Variants in ADCY3 observed in about 807,000 individuals in gnomAD.
ADCY3 encodes the protein adenylate cyclase 3.
Under a neutral mutation model 119.4 loss-of-function variants are expected in ADCY3, and 70 were observed. That is an observed-to-expected ratio of 0.59 (90% confidence interval 0.48 to 0.72). The LOEUF (loss-of-function observed/expected upper bound fraction) is 0.72, where lower values mean the gene tolerates loss of function less well. Ranked by LOEUF, ADCY3 falls within the 30% of genes least tolerant of loss-of-function variation. ADCY3 has a pLI of 0.00. For synonymous variants in ADCY3, 672 were observed against 621.4 expected (o/e 1.08, Z -1.21); for missense variants, 1,238 against 1,541.6 (o/e 0.80, Z 3.30).
intron 7 of ADCY3, among the ~76,000 whole-genome samples, chr2:24,839,117 T>G (rs1018053515): frequency 2.0e-5 from 3 of 152,026 alleles, no homozygotes; most frequent in Admixed American, 6.6e-5. Flanking sequence ...TAATTCTGTA[T>G]TTTTAGTAGA....
chr2:24,918,929 T>C lies in ADCY3; in HGVS notation c.59A>G (p.Tyr20Cys). The change falls in exon 2 of 22, where the codon TAC (tyrosine) becomes TGC (cysteine). Residue 20 changes from tyrosine (Y) to cysteine (C), a missense_variant. By Grantham distance (194) the Tyr-to-Cys change is radical. This residue lies in a region of ADCY3 where 227 missense variants were observed against 249.3 expected (regional missense o/e 0.91). Transcript: ENST00000679454. The surrounding 1 kb of genome is among the most constrained non-coding windows in gnomAD (Gnocchi z 5.4). ...AGGGTCGGAGGGCAGGCTGACGGAG[T>C]ACTCGGCTGAGTACTCGGCCGAGTA... is the stretch of plus-strand genomic sequence containing the variant. ...PEYSAEYSAEYSVSLPSDPDR... is the reference protein window; with the variant it reads ...PEYSAEYSAECSVSLPSDPDR... 6.2e-7 allele frequency: 1 copy of C among 1,611,634 alleles called. No homozygotes were observed. Among genetic ancestry groups the C allele is most frequent in the South Asian group, 1.1e-5 (1 of 90,996 alleles).
intron 8 of ADCY3, among the ~76,000 whole-genome samples, chr2:24,838,033 T>C (rs957653290): frequency 6.6e-6 from 1 of 150,726 alleles, no homozygotes; most frequent in Non-Finnish European, 1.5e-5. Flanking sequence ...CTGGCCTTGG[T>C]CCTCCTCCCC....
chr2:24,827,280 A>C (rs1668755235), intron 15 of ADCY3, among the ~76,000 whole-genome samples: 1 of 152,074 alleles, frequency 6.6e-6, no homozygotes, highest in African/African-American at 2.4e-5. Flanking sequence ...TCCAAATCCA[A>C]AGCGTCTTCC....
intron 9 of ADCY3, among the ~76,000 whole-genome samples, chr2:24,835,782 A>C (rs535460265): frequency 5.4e-4 from 82 of 152,112 alleles, no homozygotes; most frequent in Non-Finnish European, 1.0e-3. Context: ...CTAAAAATAC[A>C]AAAATTAGCC....
At chr2:24,879,990 C>T (rs996302919) in intron 2 of ADCY3, among the ~76,000 whole-genome samples, 5 of 152,228 alleles carry the variant, frequency 3.3e-5, no homozygotes, top group Non-Finnish European at 5.9e-5. Flanking sequence ...CCAAGAGAGA[C>T]TCTGAGATCT....
At chr2:24,905,909 C>T (rs2149022084) in intron 2 of ADCY3, among the ~76,000 whole-genome samples, 1 of 152,278 alleles carries the variant, frequency 6.6e-6, no homozygotes, top group East Asian at 1.9e-4. Context: ...GACTGTGACG[C>T]CAGTGCTTTG....
intron 3 of ADCY3, among the ~76,000 whole-genome samples, chr2:24,858,015 T>TTTTTA: frequency 8.0e-6 from 1 of 124,790 alleles, no homozygotes; most frequent in Non-Finnish European, 1.7e-5. Flanking sequence ...TTTTTTTTTT[T>TTTTTA]AAAGAGACAG....
At chr2:24,892,253 C>CTTT (rs34728703) in intron 2 of ADCY3, among the ~76,000 whole-genome samples, 3 of 144,256 alleles carry the variant, frequency 2.1e-5, no homozygotes, top group African/African-American at 7.7e-5. Flanking sequence ...TGTATTGAGT[C>CTTT]TTTTTTTTTT....
At position 24,841,661 on chromosome 2, in the gene ADCY3, G is replaced by C. The variant is rs4275988; in HGVS notation, c.963C>G (p.Leu321=). ...YMYRHENVSI[L]FADIVGFTQL... ...GGGTAAAGCCCACGATGTCGGCAAA[G>C]AGGATGCTGCATGAGGAAGGAACCG... The change falls in exon 5 of 22, where the codon CTC becomes CTG. Residue 321 remains leucine (L), a synonymous_variant. Transcript: ENST00000679454. The surrounding 1 kb of genome is among the most constrained non-coding windows in gnomAD (Gnocchi z 5.8). The C allele has an allele frequency of 6.2e-7, 1 of 1,613,390 alleles. No homozygotes were observed. Among genetic ancestry groups the C allele is most frequent in the African/African-American group, 1.3e-5 (1 of 75,038 alleles).
intron 3 of ADCY3, among the ~76,000 whole-genome samples, chr2:24,854,133 G>A (rs900401635): frequency 1.3e-5 from 2 of 152,188 alleles, no homozygotes; most frequent in Non-Finnish European, 2.9e-5. Context: ...TGTGACTTTC[G>A]GTAGGGGGTG....
chr2:24,906,753 C>G (rs1372224485), intron 2 of ADCY3, among the ~76,000 whole-genome samples: 1 of 152,228 alleles, frequency 6.6e-6, no homozygotes, highest in Non-Finnish European at 1.5e-5. Context: ...CCTGCTCCCA[C>G]CCCGCTGCCC....
At chr2:24,849,060 C>G (rs558652746) in intron 3 of ADCY3, among the ~76,000 whole-genome samples, 30 of 152,300 alleles carry the variant, frequency 2.0e-4, no homozygotes, top group Non-Finnish European at 3.7e-4. Flanking sequence ...CAGGGAGGGA[C>G]GTGGAACGTG....
Position 24,836,961 on chromosome 2 carries a change from T to C in ADCY3, c.1618A>G (p.Ser540Gly). ...ETKEPNGSAH[S>G]SGSTSEKPEE... is the part of the protein sequence containing the mutation. ...GGCTTCTCCGACGTGGACCCACTGC[T>C]GTGGGCACTCCCGTTGGGCTCCTTG... The change falls in exon 9 of 22, where the codon AGC (serine) becomes GGC (glycine). Residue 540 changes from serine (S) to glycine (G), a missense_variant. This residue lies in a region of ADCY3 where 499 missense variants were observed against 571.0 expected (regional missense o/e 0.87). Transcript: ENST00000679454. 1 of 1,613,954 alleles carries C rather than the reference T, an allele frequency of 6.2e-7. No homozygotes were observed. Among genetic ancestry groups the C allele is most frequent in the Non-Finnish European group, 8.5e-7 (1 of 1,180,022 alleles).
intron 3 of ADCY3, among the ~76,000 whole-genome samples, chr2:24,850,902 C>A (rs1162784734): frequency 6.6e-6 from 1 of 152,102 alleles, no homozygotes; most frequent in East Asian, 1.9e-4. Flanking sequence ...GAAGCTGACG[C>A]TGGGATCTAT....
chr2:24,897,635 C>T (rs1405674216), intron 2 of ADCY3, among the ~76,000 whole-genome samples: 1 of 152,188 alleles, frequency 6.6e-6, no homozygotes, highest in Non-Finnish European at 1.5e-5. Context: ...TCTTCCTCCA[C>T]CTTCTCATGG....
At chr2:24,906,386 G>A (rs1249621769) in intron 2 of ADCY3, among the ~76,000 whole-genome samples, 1 of 152,180 alleles carries the variant, frequency 6.6e-6, no homozygotes, top group African/African-American at 2.4e-5. Context: ...CCCTGGAGAT[G>A]GGCAATATGA....
intron 3 of ADCY3, among the ~76,000 whole-genome samples, chr2:24,862,199 A>G (rs1673743518): frequency 6.6e-6 from 1 of 152,032 alleles, no homozygotes; most frequent in African/African-American, 2.4e-5. Context: ...CCTTGTCCTC[A>G]CGTGCAAGGC....
chr2:24,845,616 T>C (rs892464042), intron 3 of ADCY3, among the ~76,000 whole-genome samples: 3 of 152,178 alleles, frequency 2.0e-5, no homozygotes, highest in Non-Finnish European at 2.9e-5. Context: ...GCATAAAAAT[T>C]TGGAAAATTT....
At position 24,834,987 on chromosome 2, in the gene ADCY3, G is replaced by A. The variant is rs376193906; in HGVS notation, c.1663-51C>T. Reference sequence around the variant, plus strand: ...TGGGGCAGATGGGACAGAGTGGTGGGGAAGAGCTGGGAAAGACAGAGGTGG... The same window carrying A: ...TGGGGCAGATGGGACAGAGTGGTGGAGAAGAGCTGGGAAAGACAGAGGTGG... On this transcript the variant is annotated intron_variant, in intron 9 of 21. Coordinates refer to ENST00000679454, the MANE Select transcript of ADCY3 (RefSeq NM_004036.5). The surrounding 1 kb of genome is among the most constrained non-coding windows in gnomAD (Gnocchi z 4.2). The A allele has an allele frequency of 5.1e-6, 8 of 1,583,954 alleles. No individual in the cohort carries two copies. The highest frequency in any genetic ancestry group is 6.9e-6 in the Non-Finnish European group (8 of 1,162,716).
Sources: gnomAD v4.1 joint callset for allele counts (sites outside exome capture counted in the v4.1 genomes callset) on GRCh38, gnomAD v4.1.1 for gene constraint, gnomAD v4.1.1 regional missense constraint, Gnocchi (gnomAD v3.1) non-coding constraint, MANE v1.5 for transcripts, NCBI Gene and HGNC (gene_info 2026-07-23, HGNC 2026-07-21) for gene names.